KITLG: variants seen among roughly 807,000 people sequenced by gnomAD.
KITLG encodes the protein KIT ligand.
A neutral mutation model predicts 34.1 loss-of-function variants in KITLG; 13 were observed. That is an observed-to-expected ratio of 0.38 (90% CI 0.25 to 0.61). The LOEUF is 0.61. Among genes scored for constraint, KITLG ranks in the 20% least tolerant of loss-of-function variants. The pLI is 0.60. For missense variants in KITLG, 292 were observed against 318.9 expected (o/e 0.92, Z 0.64); for synonymous variants, 110 against 104.0 (o/e 1.06, Z -0.35).
intron 1 of KITLG, among the ~76,000 whole-genome samples, chr12:88,561,925 A>C (rs1166556774): frequency 6.7e-6 from 1 of 148,448 alleles, no homozygotes; most frequent in African/African-American, 2.5e-5. Context: ...AAGCCTTCCC[A>C]GGTAACCTGT....
At chr12:88,527,716 A>T (rs766818091) in intron 3 of KITLG, among the ~76,000 whole-genome samples, 2 of 152,236 alleles carry the variant, frequency 1.3e-5, no homozygotes, top group African/African-American at 2.4e-5. Flanking sequence ...CCAGATGATC[A>T]AAACAAACAG....
At chr12:88,498,524 CA>C (rs1469489391) in intron 9 of KITLG, among the ~76,000 whole-genome samples, 6 of 151,934 alleles carry the variant, frequency 3.9e-5, no homozygotes, top group Non-Finnish European at 1.5e-5. Flanking sequence ...TCACAAAAAG[CA>C]AAAGGATGTA....
rs1404170031 is a variant in KITLG at position 88,516,447 on chromosome 12, G to A, written c.407C>T (p.Thr136Ile). The A allele has an allele frequency of 6.2e-7, 1 of 1,607,470 alleles. No homozygotes were observed. The highest frequency in any genetic ancestry group is 1.7e-5 in the Admixed American group (1 of 59,460). Residue 136 changes from threonine (T) to isoleucine (I), a missense_variant, in exon 5 of 10, where the codon ACT becomes ATT. Transcript: ENST00000644744. ...SFKSPEPRLF[T>I]PEEFFRIFNR... ...AAAAATTCTAAAGAATTCTTCAGGA[G>A]TAAAGAGCCTGGGTTCTGGGCTCTT...
Position 88,548,378 on chromosome 12 carries a change from C to T in KITLG, c.16-2513G>A, listed in dbSNP as rs183992539. 1.8e-3 allele frequency among the ~76,000 whole-genome samples: 272 copies of T among 151,978 alleles called. 2 individuals carry two copies. Among genetic ancestry groups the T allele is most frequent in the African/African-American group, 6.3e-3 (262 of 41,438 alleles). On this transcript the variant is annotated intron_variant, in intron 1 of 9. Transcript: ENST00000644744. ...CTGAGGCAGGAGAATCGTTTGAACCCGTGAGGCGGAGGTTGCAGTGAGCCA... is the reference window on the plus strand; with the variant it reads ...CTGAGGCAGGAGAATCGTTTGAACCTGTGAGGCGGAGGTTGCAGTGAGCCA...
chr12:88,496,582 T>C lies in KITLG; in HGVS notation c.*637A>G, dbSNP rs1290029851. ...CAGGCAACCATTTGCATTTGTATAG[T>C]GGGATATGGGTGAGCATGGTTTACA... is the stretch of plus-strand genomic sequence containing the variant. On this transcript the variant is annotated 3_prime_UTR_variant, in exon 10 of 10. Transcript: ENST00000644744. 1 of 152,340 alleles carries C rather than the reference T, an allele frequency of 6.6e-6. No homozygotes were observed. Among genetic ancestry groups the C allele is most frequent in the Non-Finnish European group, 1.5e-5 (1 of 68,040 alleles). The allele number at this position is 152,340 out of a possible 1,614,324, so 9.4% of individuals were successfully genotyped here.
chr12:88,498,842 C>A (rs1410984116), intron 9 of KITLG, among the ~76,000 whole-genome samples: 1 of 152,094 alleles, frequency 6.6e-6, no homozygotes, highest in Non-Finnish European at 1.5e-5. Flanking sequence ...CCACTGCACT[C>A]CAGCCTGGGC....
chr12:88,551,348 T>C (rs1278759984), intron 1 of KITLG, among the ~76,000 whole-genome samples: 4 of 152,162 alleles, frequency 2.6e-5, no homozygotes, highest in South Asian at 4.1e-4. Flanking sequence ...CTTCTTTATA[T>C]AAAAAAGAAA....
intron 2 of KITLG, among the ~76,000 whole-genome samples, chr12:88,544,410 A>AT (rs1324780387): frequency 6.6e-6 from 1 of 152,114 alleles, no homozygotes; most frequent in Non-Finnish European, 1.5e-5. Flanking sequence ...CAAAAGTTAG[A>AT]TTTTAAACAC....
intron 9 of KITLG, among the ~76,000 whole-genome samples, chr12:88,498,729 G>A (rs1868736295): frequency 6.6e-6 from 1 of 152,058 alleles, no homozygotes; most frequent in African/African-American, 2.4e-5. Context: ...ACAAAAATTA[G>A]CTGGGTGTGT....
At chr12:88,500,482 C>T (rs1022897951) in intron 9 of KITLG, among the ~76,000 whole-genome samples, 1 of 152,154 alleles carries the variant, frequency 6.6e-6, no homozygotes. Flanking sequence ...TTTGAGGACA[C>T]AACAAAGTTA....
At chr12:88,513,465 CTAAT>C (rs1424677623) in intron 6 of KITLG, among the ~76,000 whole-genome samples, 1 of 151,700 alleles carries the variant, frequency 6.6e-6, no homozygotes, top group Non-Finnish European at 1.5e-5. Context: ...ATGAAGCACT[CTAAT>C]TAACAATCAG....
chr12:88,574,942 A>T (rs1436510539), intron 1 of KITLG, among the ~76,000 whole-genome samples: 3 of 152,208 alleles, frequency 2.0e-5, no homozygotes, highest in Non-Finnish European at 4.4e-5. Flanking sequence ...GGTGAAATGC[A>T]TAAAAGTAGA....
At chr12:88,578,348 C>T (rs1489779299) in intron 1 of KITLG, among the ~76,000 whole-genome samples, 1 of 152,182 alleles carries the variant, frequency 6.6e-6, no homozygotes, top group African/African-American at 2.4e-5. Flanking sequence ...AGCCGTTTAA[C>T]ATCAGCAAGT....
At chr12:88,553,278 T>A (rs1477934362) in intron 1 of KITLG, among the ~76,000 whole-genome samples, 2 of 152,232 alleles carry the variant, frequency 1.3e-5, no homozygotes, top group Non-Finnish European at 2.9e-5. Context: ...TTTCTCTTCC[T>A]CTTCTTCCAA....
chr12:88,525,277 T>C (rs77956816), intron 3 of KITLG, among the ~76,000 whole-genome samples: 12,690 of 152,212 alleles, frequency 0.083, 556 homozygotes, highest in Non-Finnish European at 0.1. Context: ...CCCATGCCCT[T>C]AGGTGACATG....
chr12:88,541,693 T>C (rs994705952), intron 2 of KITLG, among the ~76,000 whole-genome samples: 3 of 152,186 alleles, frequency 2.0e-5, no homozygotes, highest in Non-Finnish European at 4.4e-5. Context: ...GCAACATTTT[T>C]TTAGAAACAA....
chr12:88,513,316 G>GA (rs1374073782), intron 6 of KITLG, among the ~76,000 whole-genome samples: 5 of 147,674 alleles, frequency 3.4e-5, no homozygotes, highest in East Asian at 2.0e-4. Flanking sequence ...TTAAACACTA[G>GA]AAAAAAAATA....
intron 2 of KITLG, among the ~76,000 whole-genome samples, chr12:88,545,518 A>T (rs1178217508): frequency 1.3e-5 from 2 of 152,168 alleles, no homozygotes; most frequent in Non-Finnish European, 2.9e-5. Context: ...ACCAGCAAAG[A>T]AGCAGTCACA....
chr12:88,557,002 T>A (rs1871117758), intron 1 of KITLG, among the ~76,000 whole-genome samples: 1 of 151,944 alleles, frequency 6.6e-6, no homozygotes, highest in Admixed American at 6.5e-5. Context: ...CAGGAGTGAA[T>A]GAGTATGAGG....
Sources: allele counts gnomAD v4.1 joint callset (sites outside exome capture counted in the v4.1 genomes callset), GRCh38; gene constraint gnomAD v4.1.1; transcripts MANE v1.5; gene names NCBI Gene and HGNC (gene_info 2026-07-23, HGNC 2026-07-21).